The following SPTBN4 variants were observed in gnomAD, a reference collection of about 807,000 sequenced individuals.
SPTBN4 encodes the protein spectrin beta, non-erythrocytic 4.
Under a neutral mutation model 277.8 loss-of-function variants are expected in SPTBN4, and 96 were observed. The observed-to-expected ratio is 0.35, with a 90% CI of 0.29 to 0.41. The LOEUF is 0.41. SPTBN4 is among the 10% of genes least tolerant of loss of function. SPTBN4 has a pLI of 1.00. For missense variants in SPTBN4, 3,006 were observed against 3,595.7 expected (o/e 0.84, Z 4.19); for synonymous variants, 1,481 against 1,580.3 (o/e 0.94, Z 1.49).
At chr19:40,528,153 TTCTC>T (rs1484303658) in intron 17 of SPTBN4, among the ~76,000 whole-genome samples, 1 of 150,676 alleles carries the variant, frequency 6.6e-6, no homozygotes, top group African/African-American at 2.4e-5. Context: ...GATAGTCTCA[TTCTC>T]TCTCTCTCCC....
intron 31 of SPTBN4, 91 bp from the exon 32 acceptor site, chr19:40,569,566 C>A: frequency 7.5e-7 from 1 of 1,339,816 alleles, no homozygotes; most frequent in Non-Finnish European, 1.0e-6. Context: ...GCACTTCCAG[C>A]TAAGAAGTGG....
chr19:40,557,006 C>CCG lies in SPTBN4; in HGVS notation c.5290-16_5290-15insGC. ...TGCTCACTTTGCTGTACCCCCCCCCCCACTTCCTGATGGCAGGTGCTGCAG... is the reference window on the plus strand; with the variant it reads ...TGCTCACTTTGCTGTACCCCCCCCCCCGCACTTCCTGATGGCAGGTGCTGCAG... On this transcript the variant is annotated splice_polypyrimidine_tract_variant and intron_variant, in intron 25 of 35. Transcript: ENST00000598249. 1 of 1,528,282 alleles carries CCG rather than the reference C, an allele frequency of 6.5e-7. No homozygotes were observed. The highest frequency in any genetic ancestry group is 2.3e-5 in the East Asian group (1 of 43,262). 94.7% of individuals were successfully genotyped at this position (1,528,282 alleles called of 1,614,324 possible).
chr19:40,556,976 CCCTTTGCT>C, intron 25 of SPTBN4, 39 bp from the exon 26 acceptor site: 4 of 1,515,348 alleles, frequency 2.6e-6, no homozygotes, highest in Non-Finnish European at 3.5e-6. Context: ...TGTATGCTGC[CCCTTTGCT>C]CACTTTGCTG....
chr19:40,543,928 A>T (rs996111109), intron 20 of SPTBN4, among the ~76,000 whole-genome samples: 3 of 152,182 alleles, frequency 2.0e-5, no homozygotes, highest in Non-Finnish European at 4.4e-5. Flanking sequence ...CATGGTGAAG[A>T]CATCAAAACC....
At position 40,519,473 on chromosome 19, in the gene SPTBN4, C is replaced by G; in HGVS notation, c.2976C>G (p.His992Gln). 1 of 1,607,226 alleles carries G rather than the reference C, an allele frequency of 6.2e-7. No homozygotes were observed. The highest frequency in any genetic ancestry group is 8.5e-7 in the Non-Finnish European group (1 of 1,177,952). The change falls in exon 16 of 36, where the codon CAC (histidine) becomes CAG (glutamine). Residue 992 changes from histidine (H) to glutamine (Q), a missense_variant. Around this residue, in one of 5 missense-constraint regions of SPTBN4, gnomAD observed 1,759 missense variants for 2,061.5 expected, o/e 0.85. Coordinates refer to ENST00000598249, the MANE Select transcript of SPTBN4 (RefSeq NM_020971.3). The surrounding 1 kb of genome is among the most constrained non-coding windows in gnomAD (Gnocchi z 5.7). ...EMSAVLLVENHVLEVAEVRAQ... is the reference protein window; with the variant it reads ...EMSAVLLVENQVLEVAEVRAQ... ...GCGCGGTGCTGCTGGTGGAGAACCA[C>G]GTGCTGGAGGTGGCCGAGGTGCGCG...
intron 13 of SPTBN4, among the ~76,000 whole-genome samples, chr19:40,510,053 G>A (rs2080373892): frequency 6.6e-6 from 1 of 152,194 alleles, no homozygotes. Flanking sequence ...CCAGTGTGGG[G>A]AGTGCGAGTG....
At chr19:40,551,251 G>A (rs1297393051) in intron 22 of SPTBN4, among the ~76,000 whole-genome samples, 1 of 152,148 alleles carries the variant, frequency 6.6e-6, no homozygotes, top group African/African-American at 2.4e-5. Context: ...TTAGCCTGGT[G>A]TGATGGTGTA....
At chr19:40,555,605 G>A (rs1034128425) in intron 24 of SPTBN4, among the ~76,000 whole-genome samples, 5 of 151,938 alleles carry the variant, frequency 3.3e-5, no homozygotes, top group Admixed American at 6.6e-5. Context: ...TGAAATGCAG[G>A]GCTTTCTGAA....
At chr19:40,509,447 G>A (rs2145859523) in intron 13 of SPTBN4, among the ~76,000 whole-genome samples, 1 of 152,264 alleles carries the variant, frequency 6.6e-6, no homozygotes, top group East Asian at 1.9e-4. Context: ...GTTTCTCCAT[G>A]TTGGTCAGGC....
At chr19:40,506,532 G>A (rs1279725718) in intron 13 of SPTBN4, 146 bp downstream of exon 13, 2 of 1,280,026 alleles carry the variant, frequency 1.6e-6, no homozygotes, top group South Asian at 1.7e-5. Context: ...ACATTCCACT[G>A]GGGAAGTCAT....
intron 18 of SPTBN4, among the ~76,000 whole-genome samples, chr19:40,529,712 T>C (rs1347330195): frequency 3.3e-5 from 5 of 152,138 alleles, no homozygotes; most frequent in Non-Finnish European, 4.4e-5. Flanking sequence ...TTGCATTCCA[T>C]AGAAACGATT....
At chr19:40,552,268 A>G (rs1278971369) in intron 22 of SPTBN4, among the ~76,000 whole-genome samples, 1 of 152,012 alleles carries the variant, frequency 6.6e-6, no homozygotes, top group Non-Finnish European at 1.5e-5. Context: ...ATCCTGGCTA[A>G]CACGGTGAAA....
intron 13 of SPTBN4, among the ~76,000 whole-genome samples, chr19:40,508,697 T>C (rs2080357219): frequency 6.6e-6 from 1 of 152,036 alleles, no homozygotes; most frequent in South Asian, 2.1e-4. Context: ...CAAAGAAATA[T>C]ATATATATAT....
At chr19:40,531,610 G>A (rs1388838202) in intron 18 of SPTBN4, among the ~76,000 whole-genome samples, 1 of 150,270 alleles carries the variant, frequency 6.7e-6, no homozygotes, top group African/African-American at 2.5e-5. Context: ...TGGCTTGGAG[G>A]ATAAGTCTGG....
At chr19:40,499,384 T>G (rs2080238802) in intron 7 of SPTBN4, among the ~76,000 whole-genome samples, 1 of 151,836 alleles carries the variant, frequency 6.6e-6, no homozygotes, top group Admixed American at 6.6e-5. Flanking sequence ...ATTTAAACCC[T>G]GTTTAATTAT....
rs1219272683 is a variant in SPTBN4, at chr19:40,550,247, C to G, written c.4594C>G (p.Gln1532Glu). Residue 1532 changes from glutamine to glutamate, a missense_variant, in exon 22 of 36, where the codon CAG (glutamine) becomes GAG (glutamate). Gln to Glu is a conservative substitution (Grantham distance 29). Around this residue, in one of 5 missense-constraint regions of SPTBN4, gnomAD observed 1,759 missense variants for 2,061.5 expected, o/e 0.85. Coordinates refer to ENST00000598249, the MANE Select transcript of SPTBN4 (RefSeq NM_020971.3). ...HDLDDELAWV[Q>E]ERLPLAMQTE... ...CCTGTGTCCTCTCCAGGCATGGGTTCAGGAGCGGCTGCCACTGGCCATGCA... is the reference window on the plus strand; with the variant it reads ...CCTGTGTCCTCTCCAGGCATGGGTTGAGGAGCGGCTGCCACTGGCCATGCA... The G allele has an allele frequency of 8.1e-6, 13 of 1,613,548 alleles. No individual in the cohort carries two copies. The African/African-American group carries it at 1.2e-4, about 15-fold the overall frequency.
intron 20 of SPTBN4, among the ~76,000 whole-genome samples, chr19:40,540,138 G>T (rs896645277): frequency 6.6e-6 from 1 of 151,644 alleles, no homozygotes; most frequent in African/African-American, 2.4e-5. Context: ...TGTTGTCCAG[G>T]CTGGTCCCAA....
At chr19:40,511,036 A>C (rs2080385210) in intron 13 of SPTBN4, among the ~76,000 whole-genome samples, 1 of 151,814 alleles carries the variant, frequency 6.6e-6, no homozygotes, top group Non-Finnish European at 1.5e-5. Flanking sequence ...TAAATAAATA[A>C]ATAAACACAC....
intron 16 of SPTBN4, among the ~76,000 whole-genome samples, chr19:40,521,221 C>A (rs2080522661): frequency 6.6e-6 from 1 of 152,168 alleles, no homozygotes; most frequent in African/African-American, 2.4e-5. Flanking sequence ...CTGCACCAGG[C>A]CCAGTCCCTA....
Sources: gnomAD v4.1 joint callset for allele counts (sites outside exome capture counted in the v4.1 genomes callset) on GRCh38, gnomAD v4.1.1 for gene constraint, gnomAD v4.1.1 regional missense constraint, Gnocchi (gnomAD v3.1) non-coding constraint, MANE v1.5 for transcripts, NCBI Gene and HGNC (gene_info 2026-07-23, HGNC 2026-07-21) for gene names.